RBP5: variants seen among roughly 807,000 people sequenced by gnomAD.
The protein encoded by RBP5 is retinol binding protein 5.
RBP5 carries 12 observed loss-of-function variants against 17.8 expected under a neutral mutation model. The ratio of observed to expected loss-of-function variants is 0.67; its 90% CI spans 0.43 to 1.09. The LOEUF is 1.09. Among genes scored for constraint, RBP5 ranks in the 50% least tolerant of loss-of-function variants. The probability of loss-of-function intolerance (pLI) is 0.00; values close to 1 mark genes in which losing one functional copy is unlikely to be tolerated. For missense variants in RBP5, 172 were observed against 169.4 expected (o/e 1.02, Z -0.09); for synonymous variants, 64 against 68.1 (o/e 0.94, Z 0.30).
upstream of RBP5, chr12:7,129,436 A>C (rs1591610976): frequency 5.6e-6 from 1 of 179,764 alleles, no homozygotes; most frequent in Non-Finnish European, 1.1e-5. The surrounding 1 kb of genome is among the most constrained non-coding windows in gnomAD (Gnocchi z 5.5). Flanking sequence ...TTGGTCCTAA[A>C]GAGCCATTAG....
Position 7,128,219 on chromosome 12 carries a change from G to C in RBP5, c.252+21C>G. 1 of 1,593,210 alleles carries C rather than the reference G, an allele frequency of 6.3e-7. No individual in the cohort carries two copies. Among genetic ancestry groups the C allele is most frequent in the Non-Finnish European group, 8.6e-7 (1 of 1,167,286 alleles). On this transcript the variant is annotated intron_variant, in intron 2 of 3. Transcript: ENST00000266560. The surrounding 1 kb of genome is among the most constrained non-coding windows in gnomAD (Gnocchi z 5.3). ...CCTGTGATGCCTCCTTCCGGCCACC[G>C]CCCAGCCAGGGGAAATGTACCTGGC...
chr12:7,116,291 T>G (rs928124389), exon 4 of RBP5: 11 of 152,236 alleles, frequency 7.2e-5, no homozygotes, highest in African/African-American at 2.7e-4. Flanking sequence ...GGTTTGGCTC[T>G]TCCCTGCTGG....
intron 2 of RBP5, chr12:7,127,612 C>A (rs1472920494): frequency 2.9e-6 from 2 of 688,744 alleles, no homozygotes; most frequent in South Asian, 1.5e-5. Flanking sequence ...GGATGCAGAA[C>A]CCATGAATAT....
intron 2 of RBP5, among the ~76,000 whole-genome samples, chr12:7,126,360 G>T (rs1939159661): frequency 6.6e-6 from 1 of 152,136 alleles, no homozygotes; most frequent in Non-Finnish European, 1.5e-5. Flanking sequence ...ATTTGGCATT[G>T]TCTGAAAGTC....
In RBP5 at chr12:7,123,996, A is replaced by C. The variant is rs1939118379; in HGVS notation, c.*125T>G. ...TTAACACGGGGAGGGGTGAGGAGGG[A>C]CCCAGAGGGAGGAAAGGTGGCCAGA... On this transcript the variant is annotated 3_prime_UTR_variant, in exon 4 of 4. Transcript: ENST00000266560. 3 of 871,122 alleles carry C rather than the reference A, an allele frequency of 3.4e-6. No homozygotes were observed. The highest frequency in any genetic ancestry group is 5.8e-6 in the Non-Finnish European group (3 of 517,388). 54.0% of individuals were successfully genotyped at this position (871,122 alleles called of 1,614,324 possible).
upstream of RBP5, chr12:7,129,864 C>A: frequency 1.0e-6 from 1 of 965,506 alleles, no homozygotes; most frequent in Non-Finnish European, 1.2e-6. This position sits in a 1 kb window ranked among gnomAD's most constrained non-coding sequence, Gnocchi z 5.5. Context: ...CCTGCCCCTC[C>A]TTGGGTCCCA....
chr12:7,128,485 C>T lies in RBP5; in HGVS notation c.74-67G>A. On this transcript the variant is annotated intron_variant, in intron 1 of 3. Coordinates refer to ENST00000266560, the MANE Select transcript of RBP5 (RefSeq NM_031491.4). The surrounding 1 kb of genome is among the most constrained non-coding windows in gnomAD (Gnocchi z 5.3). ...AGGAGCTCCTCTGCCTGCAGCAGCC[C>T]CTCAGGGCTGTGAGTTTCCCTTCTT... The T allele has an allele frequency of 6.5e-7, 1 of 1,526,946 alleles. No individual in the cohort carries two copies. Among genetic ancestry groups the T allele is most frequent in the Non-Finnish European group, 9.0e-7 (1 of 1,108,046 alleles). The allele number at this position is 1,526,946 out of a possible 1,614,324, so 94.6% of individuals were successfully genotyped here.
Position 7,124,197 on chromosome 12 carries a change from G to A in RBP5, c.355-23C>T. On this transcript the variant is annotated intron_variant, in intron 3 of 3. Transcript: ENST00000266560. This position sits in a 1 kb window ranked among gnomAD's most constrained non-coding sequence, Gnocchi z 5.3. ...TTCCTGGGGAGAGAGGGGAAGTGAG[G>A]GGGAGAGAGAAAGAGGGCGTTTGCC... 1 of 1,613,338 alleles carries A rather than the reference G, an allele frequency of 6.2e-7. No individual in the cohort carries two copies. The highest frequency in any genetic ancestry group is 8.5e-7 in the Non-Finnish European group (1 of 1,179,440).
In RBP5 at chr12:7,126,517, GTGT is replaced by G. The variant is rs1565645352; in HGVS notation, c.252+1720_252+1722del. On this transcript the variant is annotated intron_variant, in intron 2 of 3. Coordinates refer to ENST00000266560, the MANE Select transcript of RBP5 (RefSeq NM_031491.4). ...GGTGGTGGTGGTGGTGGTGGTGTGT[GTGT>G]GTGTGTGTGTGTGTGTGTGTGTGTG... 7.9e-3 allele frequency among the ~76,000 whole-genome samples: 702 copies of G among 88,328 alleles called. 5 individuals carry two copies. The highest frequency in any genetic ancestry group is 0.01 in the Middle Eastern group (2 of 192). The allele number at this position is 88,328 out of a possible 152,430, so 57.9% of individuals were successfully genotyped here. A position where few individuals can be genotyped will look rare whatever the true frequency, so the allele number is the denominator to read the frequency against.
In RBP5 at chr12:7,128,159, G is replaced by C; in HGVS notation, c.252+81C>G. On this transcript the variant is annotated intron_variant, in intron 2 of 3. Transcript: ENST00000266560. The surrounding 1 kb of genome is among the most constrained non-coding windows in gnomAD (Gnocchi z 5.3). The stretch of plus-strand genomic sequence containing the variant: ...CCTCCCCGCTGCTCTGGCTGGGGAA[G>C]GTCACTTTGTTTTGCCCCATGTTGT... The C allele has an allele frequency of 1.5e-6, 2 of 1,308,178 alleles. No individual in the cohort carries two copies. The highest frequency in any genetic ancestry group is 2.1e-6 in the Non-Finnish European group (2 of 946,690). 81.0% of individuals were successfully genotyped at this position (1,308,178 alleles called of 1,614,324 possible).
At position 7,128,250 on chromosome 12, in the gene RBP5, C is replaced by A; in HGVS notation, c.242G>T (p.Arg81Leu). The change falls in exon 2 of 4, where the codon CGA (arginine) becomes CTA (leucine). Residue 81 changes from arginine to leucine, a missense_variant. Physicochemically the swap from Arg to Leu is moderately radical, Grantham distance 102. Transcript: ENST00000266560. This position sits in a 1 kb window ranked among gnomAD's most constrained non-coding sequence, Gnocchi z 5.3. ...FEEDLRSVDG[R>L]KCQTIVTWEE... The stretch of plus-strand genomic sequence containing the variant: ...CCAGGGGAAATGTACCTGGCATTTT[C>A]GTCCGTCCACGCTCCTGAGGTCCTC... 6.2e-7 allele frequency: 1 copy of A among 1,609,840 alleles called. No homozygotes were observed. The highest frequency in any genetic ancestry group is 8.5e-7 in the Non-Finnish European group (1 of 1,177,228).
In RBP5 at chr12:7,124,877, TCAG is replaced by T. The variant is rs1439821365; in HGVS notation, c.253-150_253-148del. ...CACTGAGCGAGGGAGCTGCTCTGAT[TCAG>T]CAGGACTCCCTTTCCACCCTACTCT... On this transcript the variant is annotated intron_variant, in intron 2 of 3. Transcript: ENST00000266560. This position sits in a 1 kb window ranked among gnomAD's most constrained non-coding sequence, Gnocchi z 5.3. 1.4e-5 allele frequency: 8 copies of T among 557,874 alleles called. No individual in the cohort carries two copies. The highest frequency in any genetic ancestry group is 1.3e-4 in the African/African-American group (7 of 52,448). The allele number at this position is 557,874 out of a possible 1,614,324, so 34.6% of individuals were successfully genotyped here.
chr12:7,124,588 G>T lies in RBP5; in HGVS notation c.354+41C>A. ...TTGGACAAGGGGATGCCTTATAGCT[G>T]GAGGCCCTTCTCCCAGACACCCAGC... On this transcript the variant is annotated intron_variant, in intron 3 of 3. Transcript: ENST00000266560. This position sits in a 1 kb window ranked among gnomAD's most constrained non-coding sequence, Gnocchi z 5.3. 1 of 1,141,986 alleles carries T rather than the reference G, an allele frequency of 8.8e-7. No individual in the cohort carries two copies. Among genetic ancestry groups the T allele is most frequent in the Non-Finnish European group, 1.3e-6 (1 of 753,816 alleles). 70.7% of individuals were successfully genotyped at this position (1,141,986 alleles called of 1,614,324 possible).
Position 7,128,686 on chromosome 12 carries a change from G to C in RBP5, c.73+17C>G. The C allele has an allele frequency of 6.3e-7, 1 of 1,579,548 alleles. No individual in the cohort carries two copies. Among genetic ancestry groups the C allele is most frequent in the Non-Finnish European group, 8.6e-7 (1 of 1,159,676 alleles). ...GAGAAAGGGAGTGACAGGGGTCTGGGAGGGCGAGGCCATTACTTAGGGCTT... is the reference window on the plus strand; with the variant it reads ...GAGAAAGGGAGTGACAGGGGTCTGGCAGGGCGAGGCCATTACTTAGGGCTT... On this transcript the variant is annotated intron_variant, in intron 1 of 3. Coordinates refer to ENST00000266560, the MANE Select transcript of RBP5 (RefSeq NM_031491.4). The surrounding 1 kb of genome is among the most constrained non-coding windows in gnomAD (Gnocchi z 5.3).
chr12:7,121,202 G>C (rs1258058105), downstream of RBP5, among the ~76,000 whole-genome samples: 1 of 152,030 alleles, frequency 6.6e-6, no homozygotes, highest in African/African-American at 2.4e-5. Flanking sequence ...GGGATACCAG[G>C]CCTCTTACTT....
Position 7,128,634 on chromosome 12 carries a change from G to A in RBP5, c.73+69C>T. On this transcript the variant is annotated intron_variant, in intron 1 of 3. Transcript: ENST00000266560. This position sits in a 1 kb window ranked among gnomAD's most constrained non-coding sequence, Gnocchi z 5.3. Reference sequence around the variant, plus strand: ...ACCCCGGGCATTCCCTCTTCTCCATGGGACCAAGAAGCAGGAAGGAAGAGG... The same window carrying A: ...ACCCCGGGCATTCCCTCTTCTCCATAGGACCAAGAAGCAGGAAGGAAGAGG... The A allele has an allele frequency of 7.1e-7, 1 of 1,414,916 alleles. No individual in the cohort carries two copies. Among genetic ancestry groups the A allele is most frequent in the Non-Finnish European group, 9.8e-7 (1 of 1,022,218 alleles). The allele number at this position is 1,414,916 out of a possible 1,614,324, so 87.6% of individuals were successfully genotyped here.
At chr12:7,129,797 G>C (rs1939243406), upstream of RBP5, 1 of 985,772 alleles carries the variant, frequency 1.0e-6, no homozygotes, top group Middle Eastern at 5.2e-4. The surrounding 1 kb of genome is among the most constrained non-coding windows in gnomAD (Gnocchi z 5.5). Flanking sequence ...GGCAGGACAG[G>C]TAGGCAGGAG....
In RBP5 at chr12:7,128,507, T is replaced by C; in HGVS notation, c.74-89A>G. ...GCCCCTCAGGGCTGTGAGTTTCCCTTCTTTGGGTCTGGGACTGTGGATTCA... is the reference window on the plus strand; with the variant it reads ...GCCCCTCAGGGCTGTGAGTTTCCCTCCTTTGGGTCTGGGACTGTGGATTCA... On this transcript the variant is annotated intron_variant, in intron 1 of 3. Transcript: ENST00000266560. The surrounding 1 kb of genome is among the most constrained non-coding windows in gnomAD (Gnocchi z 5.3). 7.1e-7 allele frequency: 1 copy of C among 1,410,814 alleles called. No homozygotes were observed. The highest frequency in any genetic ancestry group is 1.8e-5 in the Admixed American group (1 of 55,424). The allele number at this position is 1,410,814 out of a possible 1,614,324, so 87.4% of individuals were successfully genotyped here. A position where few individuals can be genotyped will look rare whatever the true frequency, so the allele number is the denominator to read the frequency against.
At position 7,124,848 on chromosome 12, in the gene RBP5, C is replaced by G; in HGVS notation, c.253-118G>C. The G allele has an allele frequency of 3.1e-6, 2 of 653,144 alleles. No homozygotes were observed. The highest frequency in any genetic ancestry group is 2.6e-4 in the Middle Eastern group (1 of 3,856). 40.5% of individuals were successfully genotyped at this position (653,144 alleles called of 1,614,324 possible). A position where few individuals can be genotyped will look rare whatever the true frequency, so the allele number is the denominator to read the frequency against. ...ACAGCAGATACTGTCTGCTGCAGCC[C>G]CTCCACTGAGCGAGGGAGCTGCTCT... On this transcript the variant is annotated intron_variant, in intron 2 of 3. Coordinates refer to ENST00000266560, the MANE Select transcript of RBP5 (RefSeq NM_031491.4). The surrounding 1 kb of genome is among the most constrained non-coding windows in gnomAD (Gnocchi z 5.3).
Sources: gnomAD v4.1 joint callset for allele counts (sites outside exome capture counted in the v4.1 genomes callset) on GRCh38, gnomAD v4.1.1 for gene constraint, Gnocchi (gnomAD v3.1) non-coding constraint, MANE v1.5 for transcripts, NCBI Gene and HGNC (gene_info 2026-07-23, HGNC 2026-07-21) for gene names.